The following VEPH1 variants were observed in gnomAD, a reference collection of about 807,000 sequenced individuals.
VEPH1 encodes the protein ventricular zone expressed PH domain containing 1.
A neutral mutation model predicts 85.2 loss-of-function variants in VEPH1; 80 were observed. The ratio of observed to expected loss-of-function variants is 0.94; its 90% CI spans 0.78 to 1.13. The LOEUF (loss-of-function observed/expected upper bound fraction) is 1.13. Ranked by LOEUF, VEPH1 falls within the 50% of genes most tolerant of loss-of-function variation. The probability of loss-of-function intolerance (pLI) is 0.00; values close to 1 mark genes in which losing one functional copy is unlikely to be tolerated. For synonymous variants in VEPH1, 297 were observed against 348.0 expected (o/e 0.85, Z 1.63); for missense variants, 955 against 980.5 (o/e 0.97, Z 0.35).
intron 4 of VEPH1, chr3:157,437,510 T>C (rs752871296): frequency 1.9e-6 from 3 of 1,603,066 alleles, no homozygotes; most frequent in African/African-American, 2.7e-5. Flanking sequence ...TCCCGTACTC[T>C]AGCCACGCCG....
chr3:157,360,261 G>A (rs1725896908), intron 9 of VEPH1, among the ~76,000 whole-genome samples: 1 of 152,104 alleles, frequency 6.6e-6, no homozygotes, highest in Non-Finnish European at 1.5e-5. Flanking sequence ...CTCAGCGGAT[G>A]TATTACCAGT....
At chr3:157,319,074 C>T (rs1553763934) in intron 9 of VEPH1, among the ~76,000 whole-genome samples, 2 of 151,690 alleles carry the variant, frequency 1.3e-5, no homozygotes, top group Non-Finnish European at 2.9e-5. Context: ...TTAGAGCGGC[C>T]AATGAGAGAT....
intron 5 of VEPH1, among the ~76,000 whole-genome samples, chr3:157,423,547 A>T (rs762771848): frequency 3.3e-5 from 5 of 152,246 alleles, no homozygotes; most frequent in Non-Finnish European, 7.3e-5. Context: ...GCTCTGAATC[A>T]TCTGCATAAA....
At chr3:157,287,856 T>C (rs1021829340) in intron 11 of VEPH1, among the ~76,000 whole-genome samples, 1 of 152,210 alleles carries the variant, frequency 6.6e-6, no homozygotes, top group Non-Finnish European at 1.5e-5. Context: ...TGAGCCACCG[T>C]GCATGGCCTG....
rs113227397 is a variant in VEPH1, at chr3:157,469,700, A to T, written c.354+614T>A. Among the ~76,000 whole-genome samples the T allele has an allele frequency of 9.3e-3, 1,422 of 152,326 alleles. 19 individuals carry two copies. Among genetic ancestry groups the T allele is most frequent in the African/African-American group, 0.032 (1,315 of 41,564 alleles). On this transcript the variant is annotated intron_variant, in intron 3 of 13. Coordinates refer to ENST00000362010, the MANE Select transcript of VEPH1 (RefSeq NM_001167912.2). The stretch of plus-strand genomic sequence containing the variant: ...AATTTGTCATAGACAATGTCATTTA[A>T]TGTGCATTTCACATAGAGGACCCTG...
intron 4 of VEPH1, chr3:157,443,103 G>A (rs1324888250): frequency 1.7e-6 from 2 of 1,171,510 alleles, no homozygotes; most frequent in Admixed American, 2.8e-5. Context: ...AGAGAGTTGA[G>A]ACCAATCTTT....
At chr3:157,455,897 T>C (rs1400635531) in intron 4 of VEPH1, among the ~76,000 whole-genome samples, 1 of 152,212 alleles carries the variant, frequency 6.6e-6, no homozygotes, top group East Asian at 1.9e-4. Flanking sequence ...TATGTGTGCA[T>C]GTGTCTTTAT....
At chr3:157,435,070 C>CTT (rs376408193) in intron 4 of VEPH1, among the ~76,000 whole-genome samples, 8 of 149,656 alleles carry the variant, frequency 5.3e-5, no homozygotes, top group African/African-American at 2.0e-4. Context: ...TTTCAATTAA[C>CTT]TTTTTTTTTT....
chr3:157,282,810 A>G (rs1400479946), intron 12 of VEPH1, among the ~76,000 whole-genome samples: 2 of 152,242 alleles, frequency 1.3e-5, no homozygotes, highest in African/African-American at 4.8e-5. Flanking sequence ...TTTTCCAGAA[A>G]TAAGTTCTGC....
At chr3:157,405,728 A>T (rs1246531187) in intron 6 of VEPH1, among the ~76,000 whole-genome samples, 1 of 151,692 alleles carries the variant, frequency 6.6e-6, no homozygotes, top group Non-Finnish European at 1.5e-5. Flanking sequence ...CTCTCCTAAA[A>T]CTCCCCCACA....
At position 157,260,894 on chromosome 3, in the gene VEPH1, C is replaced by CTTTTA. The variant is rs71966023; in HGVS notation, c.*235_*239dup. On this transcript the variant is annotated 3_prime_UTR_variant, in exon 14 of 14. Transcript: ENST00000362010. ...TATCTGAGGGCATACTCTGTAGCTC[C>CTTTTA]TTTTATTTTATTTTATTTTTGTGGG... 1 of 524,318 alleles carries CTTTTA rather than the reference C, an allele frequency of 1.9e-6. No homozygotes were observed. The highest frequency in any genetic ancestry group is 3.3e-6 in the Non-Finnish European group (1 of 305,150). The allele number at this position is 524,318 out of a possible 1,614,324, so 32.5% of individuals were successfully genotyped here.
intron 6 of VEPH1, among the ~76,000 whole-genome samples, chr3:157,412,596 G>A (rs1055816595): frequency 6.6e-6 from 1 of 152,108 alleles, no homozygotes; most frequent in Non-Finnish European, 1.5e-5. Context: ...GGGTTCTCTT[G>A]GCAGAAAAGG....
At chr3:157,264,595 C>A (rs922954855) in intron 13 of VEPH1, among the ~76,000 whole-genome samples, 7 of 152,160 alleles carry the variant, frequency 4.6e-5, no homozygotes, top group Non-Finnish European at 7.3e-5. Context: ...ATCTTGACCC[C>A]AGTTATACCC....
intron 9 of VEPH1, among the ~76,000 whole-genome samples, chr3:157,318,670 G>T (rs952115901): frequency 3.4e-5 from 5 of 145,248 alleles, no homozygotes; most frequent in Admixed American, 6.8e-5. Flanking sequence ...GAAAAGGAAA[G>T]AAAGAAAGAA....
chr3:157,370,133 A>G (rs1047096419), intron 7 of VEPH1, among the ~76,000 whole-genome samples: 2 of 152,204 alleles, frequency 1.3e-5, no homozygotes, highest in Non-Finnish European at 2.9e-5. Context: ...GCCAAAGCAA[A>G]GTTTTTAAAA....
chr3:157,437,986 G>A, intron 4 of VEPH1: 1 of 1,491,584 alleles, frequency 6.7e-7, no homozygotes, highest in Non-Finnish European at 8.9e-7. Context: ...GGCAAGCCAA[G>A]CCAGGCAACC....
At chr3:157,396,366 G>C (rs1278284213) in intron 6 of VEPH1, among the ~76,000 whole-genome samples, 1 of 152,110 alleles carries the variant, frequency 6.6e-6, no homozygotes, top group African/African-American at 2.4e-5. Context: ...TTGATTCCAT[G>C]TCTTTGCTAT....
chr3:157,419,161 G>A (rs931835074), intron 5 of VEPH1, among the ~76,000 whole-genome samples: 3 of 151,754 alleles, frequency 2.0e-5, no homozygotes, highest in African/African-American at 4.8e-5. Flanking sequence ...CCTTCCTTAC[G>A]CCTCATAAAA....
At chr3:157,311,828 A>C (rs1243536623) in intron 11 of VEPH1, among the ~76,000 whole-genome samples, 1 of 152,248 alleles carries the variant, frequency 6.6e-6, no homozygotes, top group African/African-American at 2.4e-5. Flanking sequence ...TTCAAATATG[A>C]TGCAACAGTT....
Sources: allele counts gnomAD v4.1 joint callset (sites outside exome capture counted in the v4.1 genomes callset), GRCh38; gene constraint gnomAD v4.1.1; transcripts MANE v1.5; gene names NCBI Gene and HGNC (gene_info 2026-07-23, HGNC 2026-07-21).